Variants in HOXD13 observed in about 807,000 individuals in gnomAD.
The protein encoded by HOXD13 is homeobox protein Hox-D13.
Under a neutral mutation model 27.3 loss-of-function variants are expected in HOXD13, and 16 were observed. The observed-to-expected ratio is 0.59, with a 90% CI of 0.40 to 0.89. The LOEUF is 0.89. Among genes scored for constraint, HOXD13 ranks in the 40% least tolerant of loss-of-function variants. The pLI, the probability that HOXD13 is intolerant of heterozygous loss-of-function variation, is 0.00. For missense variants in HOXD13, 481 were observed against 482.6 expected, an observed-to-expected ratio of 1.00 and a Z score of 0.03; for synonymous variants, 241 against 219.0, an observed-to-expected ratio of 1.10 and a Z score of -0.89.
chr2:176,088,561 C>T (rs185086675), upstream of HOXD13, among the ~76,000 whole-genome samples: 420 of 152,138 alleles, frequency 2.8e-3, 1 homozygote, highest in South Asian at 4.8e-3. Flanking sequence ...CTTTCGGCTC[C>T]CCCCTTCGTG....
upstream of HOXD13, among the ~76,000 whole-genome samples, chr2:176,092,708 G>C (rs1478784795): frequency 6.6e-6 from 1 of 152,128 alleles, no homozygotes; most frequent in Non-Finnish European, 1.5e-5. Context: ...AACGTCCCGC[G>C]ATGAGCTAAC....
Position 176,093,349 on chromosome 2 carries a change from A to G in HOXD13, c.459A>G (p.Ser153=), listed in dbSNP as rs1205451850. ...GVGLQQNALK[S]SPHASLGGFP... ...GCTTACAGCAGAATGCGCTCAAGTC[A>G]TCGCCGCACGCCTCGCTGGGAGGCT... Residue 153 remains serine, a synonymous_variant, in exon 1 of 2, where the codon TCA becomes TCG. Transcript: ENST00000392539. The G allele has an allele frequency of 1.2e-6, 2 of 1,613,658 alleles. No individual in the cohort carries two copies. Among genetic ancestry groups the G allele is most frequent in the South Asian group, 1.1e-5 (1 of 91,086 alleles).
At chr2:176,091,049 G>T (rs1223455013), upstream of HOXD13, among the ~76,000 whole-genome samples, 1 of 152,258 alleles carries the variant, frequency 6.6e-6, no homozygotes, top group South Asian at 2.1e-4. Flanking sequence ...ACGATGAAAC[G>T]AATTCTCTTG....
rs1329414458 is a variant in HOXD13 at position 176,092,768 on chromosome 2, G to A, written c.-123G>A. 9 of 559,200 alleles carry A rather than the reference G, an allele frequency of 1.6e-5. No individual in the cohort carries two copies. Among genetic ancestry groups the A allele is most frequent in the Non-Finnish European group, 2.6e-6 (1 of 382,602 alleles). The allele number at this position is 559,200 out of a possible 1,614,324, so 34.6% of individuals were successfully genotyped here. On this transcript the variant is annotated 5_prime_UTR_variant, in exon 1 of 2. Coordinates refer to ENST00000392539, the MANE Select transcript of HOXD13 (RefSeq NM_000523.4). ...GGCGGGAGGCTCACAGAGGGAGAGA[G>A]GGCTAGAGGAAGAGGGCGGGAGCGA...
At position 176,092,935 on chromosome 2, in the gene HOXD13, C is replaced by A. The variant is rs1220596172; in HGVS notation, c.45C>A (p.Asp15Glu). The stretch of plus-strand genomic sequence containing the variant: ...GGGACATGGACGGGCTGCGGGCAGA[C>A]GGCGGGGGCGCCGGTGGCGCCCCGG... ...GSWDMDGLRA[D>E]GGGAGGAPAS... The change falls in exon 1 of 2, where the codon GAC becomes GAA. Residue 15 changes from aspartate (D) to glutamate (E), a missense_variant. Coordinates refer to ENST00000392539, the MANE Select transcript of HOXD13 (RefSeq NM_000523.4). The A allele has an allele frequency of 1.5e-6, 2 of 1,328,222 alleles. No homozygotes were observed. Among genetic ancestry groups the A allele is most frequent in the Non-Finnish European group, 1.9e-6 (2 of 1,042,334 alleles). The allele number at this position is 1,328,222 out of a possible 1,614,324, so 82.3% of individuals were successfully genotyped here. A position where few individuals can be genotyped will look rare whatever the true frequency, so the allele number is the denominator to read the frequency against.
At position 176,094,927 on chromosome 2, in the gene HOXD13, T is replaced by C. The variant is rs1398123982; in HGVS notation, c.*197T>C. The C allele has an allele frequency of 1.7e-6, 1 of 588,870 alleles. No individual in the cohort carries two copies. The highest frequency in any genetic ancestry group is 3.0e-5 in the Admixed American group (1 of 33,218). 36.5% of individuals were successfully genotyped at this position (588,870 alleles called of 1,614,324 possible). On this transcript the variant is annotated 3_prime_UTR_variant, in exon 2 of 2. Coordinates refer to ENST00000392539, the MANE Select transcript of HOXD13 (RefSeq NM_000523.4). ...AACCTGACTTTGTAGTTCTGATTTT[T>C]ACTTGTTTATTATTGGTTTTGTTCT...
chr2:176,092,334 C>T (rs907433252), upstream of HOXD13, among the ~76,000 whole-genome samples: 2 of 152,236 alleles, frequency 1.3e-5, no homozygotes, highest in African/African-American at 4.8e-5. Flanking sequence ...ACTCGGGGAG[C>T]CGAGGAGAGG....
upstream of HOXD13, among the ~76,000 whole-genome samples, chr2:176,091,864 T>G (rs924709713): frequency 6.6e-6 from 1 of 151,804 alleles, no homozygotes; most frequent in African/African-American, 2.4e-5. Flanking sequence ...GCTGAGTGGC[T>G]TTCTCCCCCG....
chr2:176,087,531 A>G, the HOXD13 span, among the ~76,000 whole-genome samples: 3 of 152,364 alleles, frequency 2.0e-5, no homozygotes, highest in African/African-American at 7.2e-5. Context: ...CTGGGATTAT[A>G]GGCGTGAGCC....
In HOXD13 at chr2:176,095,280, A is replaced by G; in HGVS notation, c.*550A>G. 1 of 229,352 alleles carries G rather than the reference A, an allele frequency of 4.4e-6. No homozygotes were observed. The highest frequency in any genetic ancestry group is 8.7e-6 in the Non-Finnish European group (1 of 115,562). 14.2% of individuals were successfully genotyped at this position (229,352 alleles called of 1,614,324 possible). A position where few individuals can be genotyped will look rare whatever the true frequency, so the allele number is the denominator to read the frequency against. On this transcript the variant is annotated 3_prime_UTR_variant, in exon 2 of 2. Coordinates refer to ENST00000392539, the MANE Select transcript of HOXD13 (RefSeq NM_000523.4). ...AGAAAGTCTAAAAACAGGAGGCTGA[A>G]GGTACTGTGATGGCTTTAAAAATGG...
upstream of HOXD13, among the ~76,000 whole-genome samples, chr2:176,092,457 C>G (rs2105377655): frequency 8.0e-6 from 1 of 125,524 alleles, no homozygotes; most frequent in East Asian, 2.6e-4. Context: ...GGCTGCAGCG[C>G]GTACGCCTGG....
Position 176,095,044 on chromosome 2 carries a change from C to A in HOXD13, c.*314C>A. Reference sequence around the variant, plus strand: ...CTTGAAGTATTTTTTAATAATCCGCCCCCCAATGAACTTCAGAAGTGCCAT... The same window carrying A: ...CTTGAAGTATTTTTTAATAATCCGCACCCCAATGAACTTCAGAAGTGCCAT... On this transcript the variant is annotated 3_prime_UTR_variant, in exon 2 of 2. Coordinates refer to ENST00000392539, the MANE Select transcript of HOXD13 (RefSeq NM_000523.4). 2 of 379,562 alleles carry A rather than the reference C, an allele frequency of 5.3e-6. No homozygotes were observed. Among genetic ancestry groups the A allele is most frequent in the Non-Finnish European group, 9.7e-6 (2 of 206,484 alleles). The allele number at this position is 379,562 out of a possible 1,614,324, so 23.5% of individuals were successfully genotyped here.
upstream of HOXD13, among the ~76,000 whole-genome samples, chr2:176,088,370 G>A (rs1487805554): frequency 6.6e-6 from 1 of 152,222 alleles, no homozygotes; most frequent in African/African-American, 2.4e-5. Flanking sequence ...GAGGAAGGTC[G>A]TGGTGCGGGA....
At chr2:176,090,905 T>C (rs559289939), upstream of HOXD13, among the ~76,000 whole-genome samples, 23 of 152,240 alleles carry the variant, frequency 1.5e-4, no homozygotes, top group Admixed American at 4.6e-4. Flanking sequence ...GAACTTTCAT[T>C]GCTGACTTTT....
upstream of HOXD13, among the ~76,000 whole-genome samples, chr2:176,090,344 C>G (rs1689301310): frequency 6.6e-6 from 1 of 152,230 alleles, no homozygotes; most frequent in African/African-American, 2.4e-5. Context: ...TTGCCCTGCT[C>G]TGAGAGGGTC....
At chr2:176,091,545 G>A (rs1409293077), upstream of HOXD13, among the ~76,000 whole-genome samples, 6 of 152,152 alleles carry the variant, frequency 3.9e-5, no homozygotes, top group Non-Finnish European at 1.5e-5. Flanking sequence ...TAACACCCTG[G>A]CAGCTTGGTT....
Position 176,095,181 on chromosome 2 carries a change from A to C in HOXD13, c.*451A>C, listed in dbSNP as rs552555257. On this transcript the variant is annotated 3_prime_UTR_variant, in exon 2 of 2. Coordinates refer to ENST00000392539, the MANE Select transcript of HOXD13 (RefSeq NM_000523.4). ...TTTCAGTCGTTCATATCCTGTAATTAGGTAATTGAATCATTAGCTCTCAGC... is the reference window on the plus strand; with the variant it reads ...TTTCAGTCGTTCATATCCTGTAATTCGGTAATTGAATCATTAGCTCTCAGC... 5.5e-5 allele frequency: 14 copies of C among 256,068 alleles called. 1 individual carries two copies. The Admixed American group carries it at 6.9e-4, about 13-fold the overall frequency. The allele number at this position is 256,068 out of a possible 1,614,324, so 15.9% of individuals were successfully genotyped here. A position where few individuals can be genotyped will look rare whatever the true frequency, so the allele number is the denominator to read the frequency against.
In HOXD13 at chr2:176,095,049, A is replaced by C. The variant is rs1157709052; in HGVS notation, c.*319A>C. 5.3e-6 allele frequency: 2 copies of C among 378,690 alleles called. No homozygotes were observed. The highest frequency in any genetic ancestry group is 9.7e-6 in the Non-Finnish European group (2 of 206,020). The allele number at this position is 378,690 out of a possible 1,614,324, so 23.5% of individuals were successfully genotyped here. A position where few individuals can be genotyped will look rare whatever the true frequency, so the allele number is the denominator to read the frequency against. On this transcript the variant is annotated 3_prime_UTR_variant, in exon 2 of 2. Transcript: ENST00000392539. ...AGTATTTTTTAATAATCCGCCCCCCAATGAACTTCAGAAGTGCCATTCTGA... is the reference window on the plus strand; with the variant it reads ...AGTATTTTTTAATAATCCGCCCCCCCATGAACTTCAGAAGTGCCATTCTGA...
chr2:176,095,418 T>C lies in HOXD13; in HGVS notation c.*688T>C, dbSNP rs1689398049. 8.7e-6 allele frequency: 2 copies of C among 229,910 alleles called. No individual in the cohort carries two copies. The highest frequency in any genetic ancestry group is 4.4e-5 in the African/African-American group (2 of 45,150). 14.2% of individuals were successfully genotyped at this position (229,910 alleles called of 1,614,324 possible). ...GTTTTTAACACTTTGTAGGTTTGTG[T>C]TTTCATAATCTTTAATTTGAAACTC... is the stretch of plus-strand genomic sequence containing the variant. On this transcript the variant is annotated 3_prime_UTR_variant, in exon 2 of 2. Coordinates refer to ENST00000392539, the MANE Select transcript of HOXD13 (RefSeq NM_000523.4).
Sources: gnomAD v4.1 joint callset for allele counts (sites outside exome capture counted in the v4.1 genomes callset) on GRCh38, gnomAD v4.1.1 for gene constraint, MANE v1.5 for transcripts, NCBI Gene and HGNC (gene_info 2026-07-23, HGNC 2026-07-21) for gene names.